The following NAE1 variants were observed in gnomAD, a reference collection of about 807,000 sequenced individuals.
The protein encoded by NAE1 is NEDD8-activating enzyme E1 regulatory subunit.
In NAE1, 59 loss-of-function variants were observed where a neutral mutation model predicts 88.0. The ratio of observed to expected loss-of-function variants is 0.67; its 90% confidence interval spans 0.54 to 0.83. NAE1 has a LOEUF of 0.83. Ranked by LOEUF, NAE1 falls within the 40% of genes least tolerant of loss-of-function variation. The pLI is 0.00. For synonymous variants in NAE1, 186 were observed against 208.9 expected (o/e 0.89, Z 0.95); for missense variants, 554 against 632.8 (o/e 0.88, Z 1.34).
chr16:66,830,931 C>A lies in NAE1; in HGVS notation c.-32G>T, dbSNP rs750161772. 1 of 1,506,606 alleles carries A rather than the reference C, an allele frequency of 6.6e-7. No homozygotes were observed. The highest frequency in any genetic ancestry group is 1.2e-5 in the South Asian group (1 of 81,054). 93.3% of individuals were successfully genotyped at this position (1,506,606 alleles called of 1,614,324 possible). A position where few individuals can be genotyped will look rare whatever the true frequency, so the allele number is the denominator to read the frequency against. ...GCCTGCCGCGCGGAAAACAGCCGAGCCCCTGCGGAGCGCCGCCACCAGCTC... is the reference window on the plus strand; with the variant it reads ...GCCTGCCGCGCGGAAAACAGCCGAGACCCTGCGGAGCGCCGCCACCAGCTC... On this transcript the variant is annotated 5_prime_UTR_variant, in exon 1 of 20. Transcript: ENST00000290810.
chr16:66,808,915 C>A, intron 16 of NAE1, 74 bp downstream of exon 16: 1 of 1,012,332 alleles, frequency 9.9e-7, no homozygotes. Context: ...ATACTCAACA[C>A]TATTATACAC....
At chr16:66,824,829 T>C (rs1363121385) in intron 4 of NAE1, 26 bp downstream of exon 4, 9 of 1,593,426 alleles carry the variant, frequency 5.6e-6, no homozygotes, top group Non-Finnish European at 7.7e-6. Flanking sequence ...GATGCTCACA[T>C]CCAACTATAT....
chr16:66,806,700 A>C (rs1036157249), intron 17 of NAE1, among the ~76,000 whole-genome samples: 1 of 152,216 alleles, frequency 6.6e-6, no homozygotes, highest in Non-Finnish European at 1.5e-5. Flanking sequence ...GGTGTGAGCC[A>C]CCATGCCTGG....
At chr16:66,809,097 T>G in intron 15 of NAE1, 22 bp from the exon 16 acceptor site, 1 of 1,568,550 alleles carries the variant, frequency 6.4e-7, no homozygotes, top group South Asian at 1.1e-5. Flanking sequence ...AAAGATATTC[T>G]GGAAGTAATG....
At chr16:66,804,465 T>C (rs534674599) in intron 19 of NAE1, among the ~76,000 whole-genome samples, 15 of 152,222 alleles carry the variant, frequency 9.9e-5, no homozygotes, top group Non-Finnish European at 2.1e-4. Context: ...GGCTTTAATT[T>C]GGATTTGCTT....
chr16:66,820,408 T>C (rs564698780), intron 7 of NAE1, among the ~76,000 whole-genome samples: 2 of 152,252 alleles, frequency 1.3e-5, no homozygotes, highest in African/African-American at 2.4e-5. Flanking sequence ...AATGTCTTTG[T>C]TGTGTGAAAT....
intron 6 of NAE1, 120 bp from the exon 7 acceptor site, chr16:66,821,679 G>T (rs565895171): frequency 2.6e-6 from 2 of 757,794 alleles, no homozygotes; most frequent in East Asian, 6.0e-5. Context: ...AGATGCAAAG[G>T]TACATAACTG....
At chr16:66,825,354 G>A (rs149338017) in intron 3 of NAE1, among the ~76,000 whole-genome samples, 2,800 of 151,956 alleles carry the variant, frequency 0.018, 75 homozygotes, top group African/African-American at 0.061. Context: ...GGCTGAGGTA[G>A]GAGAATGGCG....
At chr16:66,825,767 CAG>C (rs1686912468) in intron 3 of NAE1, among the ~76,000 whole-genome samples, 2 of 152,102 alleles carry the variant, frequency 1.3e-5, no homozygotes, top group Admixed American at 1.3e-4. Context: ...GGCTGCTGAT[CAG>C]AGTCAGGATG....
Position 66,823,614 on chromosome 16 carries a change from A to G in NAE1, c.250-14T>C. 1 of 1,584,312 alleles carries G rather than the reference A, an allele frequency of 6.3e-7. No homozygotes were observed. The highest frequency in any genetic ancestry group is 1.2e-5 in the South Asian group (1 of 85,090). ...TTCAGCTCGGTTCTTTTTAAAAACA[A>G]AGCATTTAACTTGAATTAGAAAAAA... On this transcript the variant is annotated splice_polypyrimidine_tract_variant and intron_variant, in intron 4 of 19. Coordinates refer to ENST00000290810, the MANE Select transcript of NAE1 (RefSeq NM_003905.4).
In NAE1 at chr16:66,813,389, C is replaced by T. The variant is rs542243763; in HGVS notation, c.1034+175G>A. 78 of 704,378 alleles carry T rather than the reference C, an allele frequency of 1.1e-4. No homozygotes were observed. In the South Asian group the frequency reaches 1.6e-3, roughly 14 times the overall value. 43.6% of individuals were successfully genotyped at this position (704,378 alleles called of 1,614,324 possible). A position where few individuals can be genotyped will look rare whatever the true frequency, so the allele number is the denominator to read the frequency against. On this transcript the variant is annotated intron_variant, in intron 13 of 19. Transcript: ENST00000290810. ...CTCCTGGACTCAAGCAATTCTCCCA[C>T]CTTGGCCTCCCAAAGTGTTGGGATT...
intron 19 of NAE1, 133 bp from the exon 20 acceptor site, chr16:66,803,251 CT>C: frequency 1.6e-6 from 1 of 616,122 alleles, no homozygotes; most frequent in Non-Finnish European, 2.8e-6. Context: ...ATGCAGTTAG[CT>C]TACTGAGTCA....
chr16:66,826,405 A>G, intron 3 of NAE1, 118 bp downstream of exon 3: 1 of 939,818 alleles, frequency 1.1e-6, no homozygotes, highest in Non-Finnish European at 1.6e-6. Flanking sequence ...CCTCACCATA[A>G]TCCCAAACAT....
chr16:66,816,920 T>G, intron 10 of NAE1, 45 bp downstream of exon 10: 1 of 1,560,382 alleles, frequency 6.4e-7, no homozygotes, highest in Non-Finnish European at 8.6e-7. Flanking sequence ...CTCTAGCAAT[T>G]TGCTTTTCAA....
At chr16:66,811,184 A>G (rs1160919292) in intron 13 of NAE1, among the ~76,000 whole-genome samples, 2 of 152,152 alleles carry the variant, frequency 1.3e-5, no homozygotes, top group Non-Finnish European at 2.9e-5. Context: ...TTGAGACAGG[A>G]TCTCGCTCTG....
chr16:66,830,357 A>G (rs1015413496), intron 1 of NAE1, among the ~76,000 whole-genome samples: 1 of 152,270 alleles, frequency 6.6e-6, no homozygotes, highest in Non-Finnish European at 1.5e-5. Context: ...ATTGGGTTAA[A>G]TTGTATTTAA....
chr16:66,823,708 G>A (rs1468419817), intron 4 of NAE1, 108 bp from the exon 5 acceptor site: 50 of 799,274 alleles, frequency 6.3e-5, no homozygotes, highest in Non-Finnish European at 9.5e-5. Context: ...CAAATTTCAT[G>A]CATAAGTATG....
In NAE1 at chr16:66,817,481, T is replaced by G; in HGVS notation, c.628A>C (p.Ser210Arg). 6.4e-7 allele frequency: 1 copy of G among 1,568,850 alleles called. No individual in the cohort carries two copies. The highest frequency in any genetic ancestry group is 8.6e-7 in the Non-Finnish European group (1 of 1,159,562). The part of the protein sequence containing the change: ...DLDHMEKKDH[S>R]HTPWIVIIAK... ...ATGATCACAATCCATGGAGTATGAC[T>G]GTGGTCCTAAAAATGAGAGACAAAT... Residue 210 changes from serine (S) to arginine (R), a missense_variant, in exon 9 of 20, where the codon AGT becomes CGT. Coordinates refer to ENST00000290810, the MANE Select transcript of NAE1 (RefSeq NM_003905.4).
At chr16:66,827,864 G>A in intron 1 of NAE1, 1 of 847,344 alleles carries the variant, frequency 1.2e-6, no homozygotes, top group Non-Finnish European at 1.8e-6. Context: ...TTTTGTTTTT[G>A]TTTTTGATAC....
Sources: gnomAD v4.1 joint callset for allele counts (sites outside exome capture counted in the v4.1 genomes callset) on GRCh38, gnomAD v4.1.1 for gene constraint, MANE v1.5 for transcripts, NCBI Gene and HGNC (gene_info 2026-07-23, HGNC 2026-07-21) for gene names.